Variants in NAGK observed in about 807,000 individuals in gnomAD.
NAGK encodes the protein N-acetyl-D-glucosamine kinase.
NAGK carries 35 observed loss-of-function variants against 42.9 expected under a neutral mutation model. That is an observed-to-expected ratio of 0.82 (90% CI 0.62 to 1.08). The LOEUF (loss-of-function observed/expected upper bound fraction) is 1.08, where lower values mean the gene tolerates loss of function less well. Among genes scored for constraint, NAGK ranks in the 50% least tolerant of loss-of-function variants. The pLI is 0.00. For synonymous variants in NAGK, 172 were observed against 176.0 expected (o/e 0.98, Z 0.18); for missense variants, 446 against 446.0 (o/e 1.00, Z 0.00).
chr2:71,075,835 GT>G (rs1457356985), intron 7 of NAGK, 193 bp downstream of exon 7: 13 of 592,388 alleles, frequency 2.2e-5, no homozygotes, highest in Non-Finnish European at 4.0e-5. Context: ...CGTGTTGACA[GT>G]TTTGTATTAC....
At chr2:71,076,426 T>TA in intron 7 of NAGK, 178 bp from the exon 8 acceptor site, 1 of 562,228 alleles carries the variant, frequency 1.8e-6, no homozygotes, top group South Asian at 2.0e-5. Context: ...AGGTAGCTGG[T>TA]ATGTTTGTCA....
At chr2:71,069,122 A>T in intron 1 of NAGK, 1 of 1,006,268 alleles carries the variant, frequency 9.9e-7, no homozygotes, top group Non-Finnish European at 1.2e-6. Flanking sequence ...CGGGACAAAG[A>T]TCTTGGCTGA....
At chr2:71,077,197 T>C (rs1204713505) in intron 8 of NAGK, among the ~76,000 whole-genome samples, 3 of 152,152 alleles carry the variant, frequency 2.0e-5, no homozygotes, top group Non-Finnish European at 2.9e-5. Flanking sequence ...ACTCCTGACC[T>C]CAAGTGATCC....
In NAGK at chr2:71,075,386, C is replaced by T. The variant is rs143619818; in HGVS notation, c.580-169C>T. On this transcript the variant is annotated intron_variant, in intron 6 of 9. Transcript: ENST00000244204. ...AAATAATGAAGTCCATGTTAGGGAA[C>T]ACAGATAACTTTTCTCAAATGAGAA... 963 of 586,842 alleles carry T rather than the reference C, an allele frequency of 1.6e-3. 13 individuals are homozygous for T. The highest frequency in any genetic ancestry group is 0.016 in the African/African-American group (872 of 53,892). The allele number at this position is 586,842 out of a possible 1,614,324, so 36.4% of individuals were successfully genotyped here.
chr2:71,071,734 A>T lies in NAGK; in HGVS notation c.262A>T (p.Ile88Phe). 6.2e-7 allele frequency: 1 copy of T among 1,614,076 alleles called. No individual in the cohort carries two copies. Among genetic ancestry groups the T allele is most frequent in the East Asian group, 2.2e-5 (1 of 44,882 alleles). The change falls in exon 4 of 10, where the codon ATC becomes TTC. Residue 88 changes from isoleucine to phenylalanine, a missense_variant. Transcript: ENST00000244204. ...GDQEDAGRILIEELRDRFPYL... is the reference protein window; with the variant it reads ...GDQEDAGRILFEELRDRFPYL... ...CCAGGAGGACGCGGGGAGGATCCTG[A>T]TCGAGGAGCTGAGGGACCGATTTCC...
rs1375072898 is a variant in NAGK at position 71,075,634 on chromosome 2, T to C, written c.659T>C (p.Ile220Thr). 1.9e-6 allele frequency: 3 copies of C among 1,613,302 alleles called. No homozygotes were observed. In the East Asian group the frequency reaches 6.7e-5, roughly 36 times the overall value. The change falls in exon 7 of 10, where the codon ATT becomes ACT. Residue 220 changes from isoleucine (I) to threonine (T), a missense_variant. Coordinates refer to ENST00000244204, the MANE Select transcript of NAGK (RefSeq NM_017567.6). ...AGGTTTGCTGGGTTTTGCCGGAAAA[T>C]TGCAGAAGGTACTGGAGGTGGGGGG... is the stretch of plus-strand genomic sequence containing the variant. The part of the protein sequence containing the change: ...KCRFAGFCRK[I>T]AEGAQQGDPL...
chr2:71,071,127 A>T, intron 3 of NAGK: 1 of 425,048 alleles, frequency 2.4e-6, no homozygotes, highest in Non-Finnish European at 4.4e-6. Context: ...CACCTTCTCT[A>T]AGCCTCAGTT....
intron 5 of NAGK, chr2:71,073,117 C>T: frequency 2.2e-6 from 1 of 455,410 alleles, no homozygotes; most frequent in South Asian, 2.1e-5. Context: ...TCCAACATCA[C>T]CTCTCTCTAG....
intron 1 of NAGK, chr2:71,069,906 C>T (rs911420277): frequency 1.3e-5 from 2 of 158,532 alleles, no homozygotes; most frequent in African/African-American, 4.8e-5. Flanking sequence ...AGTCACCCTG[C>T]CATCTGGTCA....
At chr2:71,073,108 C>T (rs1672082842) in intron 5 of NAGK, 1 of 452,064 alleles carries the variant, frequency 2.2e-6, no homozygotes, top group Non-Finnish European at 4.1e-6. Context: ...AGAAGCCCTT[C>T]CAACATCACC....
intron 1 of NAGK, chr2:71,069,483 T>C (rs533994185): frequency 1.3e-5 from 2 of 152,298 alleles, no homozygotes; most frequent in South Asian, 2.1e-4. Flanking sequence ...GAATCTGTGA[T>C]TGTTTTCACT....
intron 1 of NAGK, chr2:71,069,796 C>T (rs1035801629): frequency 6.5e-6 from 1 of 154,558 alleles, no homozygotes; most frequent in Non-Finnish European, 1.5e-5. Flanking sequence ...AAGTAATGAT[C>T]AATAAAGAAA....
At chr2:71,068,977 C>T in intron 1 of NAGK, 1 of 1,245,872 alleles carries the variant, frequency 8.0e-7, no homozygotes, top group Non-Finnish European at 1.0e-6. Context: ...TTCCACGAAA[C>T]ACCCACTCCG....
At chr2:71,070,404 C>G in intron 1 of NAGK, 98 bp from the exon 2 acceptor site, 1 of 983,098 alleles carries the variant, frequency 1.0e-6, no homozygotes, top group South Asian at 1.6e-5. Flanking sequence ...GAAGCTGTCT[C>G]CTCCATCATA....
rs553454569 is a variant in NAGK, at chr2:71,071,790, C to T, written c.318C>T (p.Thr106=). 1.7e-5 allele frequency: 28 copies of T among 1,614,154 alleles called. No homozygotes were observed. The highest frequency in any genetic ancestry group is 1.1e-4 in the African/African-American group (8 of 75,052). The part of the protein sequence containing the change: ...PYLSESYLIT[T]DAAGSIATAT... ...TGAGTGAAAGCTACTTAATCACCAC[C>T]GATGCCGCCGGCTCCATCGCCACAG... The change falls in exon 4 of 10, where the codon ACC becomes ACT. Residue 106 remains threonine, a synonymous_variant. Coordinates refer to ENST00000244204, the MANE Select transcript of NAGK (RefSeq NM_017567.6).
intron 7 of NAGK, chr2:71,075,923 G>T (rs1439239038): frequency 6.2e-6 from 3 of 485,010 alleles, no homozygotes; most frequent in Non-Finnish European, 1.1e-5. Context: ...TGAAGCAGTT[G>T]TCCTTTGGAC....
intron 6 of NAGK, 93 bp from the exon 7 acceptor site, chr2:71,075,461 CA>C: frequency 1.1e-6 from 1 of 880,902 alleles, no homozygotes; most frequent in Non-Finnish European, 1.8e-6. Context: ...CTAGCTTTTC[CA>C]ACAGTAGAGA....
At position 71,071,842 on chromosome 2, in the gene NAGK, G is replaced by A; in HGVS notation, c.355+15G>A. 1 of 1,613,698 alleles carries A rather than the reference G, an allele frequency of 6.2e-7. No homozygotes were observed. Among genetic ancestry groups the A allele is most frequent in the Non-Finnish European group, 8.5e-7 (1 of 1,179,772 alleles). On this transcript the variant is annotated intron_variant, in intron 4 of 9. Transcript: ENST00000244204. ...TACACCGGATGGTGAGGAAGTGGAG[G>A]GAGGGGTGAGAGTGAGAACTGGTTT...
chr2:71,076,967 A>T (rs1240028242), intron 8 of NAGK, among the ~76,000 whole-genome samples: 1 of 151,220 alleles, frequency 6.6e-6, no homozygotes, highest in East Asian at 1.9e-4. Context: ...TTTCTATTTT[A>T]TTTTTTATTT....
Sources: allele counts gnomAD v4.1 joint callset (sites outside exome capture counted in the v4.1 genomes callset), GRCh38; gene constraint gnomAD v4.1.1; transcripts MANE v1.5; gene names NCBI Gene and HGNC (gene_info 2026-07-23, HGNC 2026-07-21).